PRH1: variants seen among roughly 807,000 people sequenced by gnomAD.
PRH1 encodes the protein salivary acidic proline-rich phosphoprotein 1/2.
PRH1 carries 7 observed loss-of-function variants against 7.9 expected under a neutral mutation model. The observed-to-expected ratio is 0.89, with a 90% CI of 0.50 to 1.67. PRH1 has a LOEUF of 1.67. Among genes scored for constraint, PRH1 ranks in the 40% most tolerant of loss-of-function variants. The pLI is 0.00. For missense variants in PRH1, 109 were observed against 223.6 expected (o/e 0.49, Z 3.27); for synonymous variants, 45 against 80.8 (o/e 0.56, Z 2.38).
At chr12:11,054,538 C>G (rs917576378) in intron 1 of PRH1, among the ~76,000 whole-genome samples, 1 of 148,796 alleles carries the variant, frequency 6.7e-6, no homozygotes. Context: ...TATTCAAAAA[C>G]TTTGTACTAT....
chr12:11,068,187 G>C (rs765569592), intron 1 of PRH1, among the ~76,000 whole-genome samples: 1 of 152,132 alleles, frequency 6.6e-6, no homozygotes, highest in Non-Finnish European at 1.5e-5. Context: ...ATGTCTTCTT[G>C]CTGATATTTC....
At chr12:11,095,695 C>T (rs1945055888) in intron 1 of PRH1, among the ~76,000 whole-genome samples, 1 of 113,308 alleles carries the variant, frequency 8.8e-6, no homozygotes, top group African/African-American at 3.0e-5. Flanking sequence ...TGAAGCTACT[C>T]ACAAGGCTGA....
chr12:11,042,911 G>A (rs1343816190), intron 1 of PRH1, among the ~76,000 whole-genome samples: 1 of 151,956 alleles, frequency 6.6e-6, no homozygotes, highest in African/African-American at 2.4e-5. Context: ...TTACAGGCGT[G>A]AGCCACCAGG....
At chr12:10,996,808 G>C (rs933510203) in intron 1 of PRH1, 1 of 620,124 alleles carries the variant, frequency 1.6e-6, no homozygotes, top group Non-Finnish European at 2.5e-6. Flanking sequence ...ATAAACTTAG[G>C]TAAAAGACTT....
intron 1 of PRH1, among the ~76,000 whole-genome samples, chr12:11,043,998 A>G (rs1053564665): frequency 4.6e-5 from 7 of 152,224 alleles, no homozygotes; most frequent in African/African-American, 7.2e-5. Context: ...ATCCTAAGAA[A>G]AAAGAACAAA....
chr12:11,031,067 A>C (rs751133337), intron 1 of PRH1: 1 of 1,614,314 alleles, frequency 6.2e-7, no homozygotes, highest in African/African-American at 1.3e-5. Flanking sequence ...ATGGCCGGTT[A>C]CTGCCCAGAC....
chr12:11,027,451 A>G (rs79464249), intron 1 of PRH1, among the ~76,000 whole-genome samples: 8,266 of 71,084 alleles, frequency 0.12, no homozygotes, highest in Non-Finnish European at 0.15. Flanking sequence ...GTGTCCCTAG[A>G]CCACACGTTG....
At chr12:11,093,761 G>C (rs141029085) in intron 1 of PRH1, among the ~76,000 whole-genome samples, 2,882 of 114,610 alleles carry the variant, frequency 0.025, 835 homozygotes, top group South Asian at 0.038. Flanking sequence ...AATTACTACA[G>C]TTTGCATAGA....
intron 1 of PRH1, among the ~76,000 whole-genome samples, chr12:11,039,458 G>A (rs1233039413): frequency 6.6e-6 from 1 of 152,198 alleles, no homozygotes; most frequent in Non-Finnish European, 1.5e-5. Flanking sequence ...CCACATCGTT[G>A]TTGAAGTAAA....
At chr12:11,147,146 A>ATTATAT (rs1946886704) in intron 1 of PRH1, among the ~76,000 whole-genome samples, 1 of 150,868 alleles carries the variant, frequency 6.6e-6, no homozygotes, top group African/African-American at 2.4e-5. Flanking sequence ...CTAGAAAGAA[A>ATTATAT]TTATATTTTA....
chr12:11,056,528 A>G (rs1427267683), intron 1 of PRH1, among the ~76,000 whole-genome samples: 1 of 152,090 alleles, frequency 6.6e-6, no homozygotes, highest in Non-Finnish European at 1.5e-5. Context: ...CAGTATTATC[A>G]CCTATAAAAA....
chr12:11,043,966 C>G (rs751851997), intron 1 of PRH1, among the ~76,000 whole-genome samples: 6 of 152,018 alleles, frequency 3.9e-5, no homozygotes, highest in Non-Finnish European at 8.8e-5. Flanking sequence ...GGAGCCACAA[C>G]TGACCCAGAA....
chr12:10,986,083 C>A, intron 1 of PRH1: 1 of 1,614,038 alleles, frequency 6.2e-7, no homozygotes. Context: ...ACCATGACAA[C>A]CGGGTCATTC....
chr12:11,009,577 T>C (rs1205576467), intron 1 of PRH1, among the ~76,000 whole-genome samples: 4 of 151,922 alleles, frequency 2.6e-5, no homozygotes, highest in African/African-American at 9.7e-5. Flanking sequence ...TTTTCTGGAG[T>C]TGTTAGTACT....
chr12:10,997,429 C>T lies in PRH1; in HGVS notation c.-125-23708G>A, dbSNP rs201522412. The T allele has an allele frequency of 4.6e-5, 74 of 1,613,876 alleles. 1 individual carries two copies. Among genetic ancestry groups the T allele is most frequent in the East Asian group, 2.0e-4 (9 of 44,866 alleles). On this transcript the variant is annotated intron_variant, in intron 1 of 3. Coordinates refer to the PRH1 transcript ENST00000539853. The stretch of plus-strand genomic sequence containing the variant: ...ATTCTTCTGTCCACACATTTATATA[C>T]GTGTGTTTCATCACAAGGTGACAAA...
At chr12:11,108,941 T>G (rs1945508993) in intron 1 of PRH1, among the ~76,000 whole-genome samples, 1 of 152,190 alleles carries the variant, frequency 6.6e-6, no homozygotes, top group Non-Finnish European at 1.5e-5. Flanking sequence ...ACTGCTAGTT[T>G]AGCAGTCTGA....
chr12:11,042,620 A>ATTTTTTTTTTTTTTTTTTT (rs1337131350), intron 1 of PRH1, among the ~76,000 whole-genome samples: 1 of 92,920 alleles, frequency 1.1e-5, no homozygotes, highest in African/African-American at 4.0e-5. Flanking sequence ...TTCCAGGCTC[A>ATTTTTTTTTTTTTTTTTTT]TTCTTTTTTT....
At chr12:11,165,531 TA>T (rs1947548652) in intron 1 of PRH1, among the ~76,000 whole-genome samples, 1 of 152,228 alleles carries the variant, frequency 6.6e-6, no homozygotes, top group Non-Finnish European at 1.5e-5. Flanking sequence ...TCTTTTCCAC[TA>T]GAATTTTAAC....
At chr12:11,162,972 T>C (rs1327310252) in intron 1 of PRH1, among the ~76,000 whole-genome samples, 3 of 152,176 alleles carry the variant, frequency 2.0e-5, no homozygotes, top group Non-Finnish European at 4.4e-5. Flanking sequence ...TGCTATATAG[T>C]ACTATGAAGT....
Sources: gnomAD v4.1 joint callset for allele counts (sites outside exome capture counted in the v4.1 genomes callset) on GRCh38, gnomAD v4.1.1 for gene constraint, MANE v1.5 for transcripts, NCBI Gene and HGNC (gene_info 2026-07-23, HGNC 2026-07-21) for gene names.